CHCHD3: variants seen among roughly 807,000 people sequenced by gnomAD.
The protein encoded by CHCHD3 is coiled-coil-helix-coiled-coil-helix domain containing 3.
In CHCHD3, 20 loss-of-function variants were observed where a neutral mutation model predicts 38.2. The observed-to-expected ratio is 0.52, with a 90% confidence interval of 0.37 to 0.76. CHCHD3 has a LOEUF of 0.76. Among genes scored for constraint, CHCHD3 ranks in the 30% least tolerant of loss-of-function variants. CHCHD3 has a pLI of 0.00. For synonymous variants in CHCHD3, 82 were observed against 100.0 expected, an observed-to-expected ratio of 0.82 and a Z score of 1.07; for missense variants, 245 against 279.2, an observed-to-expected ratio of 0.88 and a Z score of 0.87.
intron 3 of CHCHD3, among the ~76,000 whole-genome samples, chr7:132,998,876 C>G (rs2117386920): frequency 6.6e-6 from 1 of 152,232 alleles, no homozygotes; most frequent in Non-Finnish European, 1.5e-5. Context: ...GCAAACAATC[C>G]TGTCTTAAAA....
In CHCHD3 at chr7:132,796,431, G is replaced by A; in HGVS notation, c.660+11C>T. ...GCCCAGTGCCCCCAGTGGCCTGGCT[G>A]GCACACCTACCTGTTTGGCATGATT... On this transcript the variant is annotated intron_variant, in intron 7 of 7. Transcript: ENST00000262570. 6.2e-7 allele frequency: 1 copy of A among 1,613,410 alleles called. No individual in the cohort carries two copies. Among genetic ancestry groups the A allele is most frequent in the Admixed American group, 1.7e-5 (1 of 60,010 alleles).
At chr7:132,973,438 A>T (rs766821919) in intron 4 of CHCHD3, 1 of 985,530 alleles carries the variant, frequency 1.0e-6, no homozygotes, top group African/African-American at 1.7e-5. Context: ...ACGTACAACA[A>T]ATTTAATTTT....
chr7:132,956,375 T>C (rs1476188349), intron 4 of CHCHD3, among the ~76,000 whole-genome samples: 3 of 152,218 alleles, frequency 2.0e-5, no homozygotes, highest in East Asian at 1.9e-4. Context: ...TAGCATATAG[T>C]AGGCCCTATA....
At chr7:132,820,833 G>A (rs908019185) in intron 6 of CHCHD3, among the ~76,000 whole-genome samples, 5 of 151,924 alleles carry the variant, frequency 3.3e-5, no homozygotes, top group Admixed American at 1.3e-4. Flanking sequence ...CCAACCTATC[G>A]TTGTCTAGAA....
chr7:132,987,315 G>T (rs1163663905), intron 3 of CHCHD3, among the ~76,000 whole-genome samples: 1 of 152,152 alleles, frequency 6.6e-6, no homozygotes. Context: ...TAAAGAAAAA[G>T]CCATGAAAGT....
At chr7:132,910,033 T>C (rs1350040997) in intron 4 of CHCHD3, among the ~76,000 whole-genome samples, 3 of 152,212 alleles carry the variant, frequency 2.0e-5, no homozygotes, top group Non-Finnish European at 2.9e-5. Context: ...CAAGTGCACT[T>C]ATAAGCAGAC....
At chr7:132,997,076 C>T (rs1341243582) in intron 3 of CHCHD3, among the ~76,000 whole-genome samples, 1 of 152,194 alleles carries the variant, frequency 6.6e-6, no homozygotes, top group Non-Finnish European at 1.5e-5. Context: ...TGACATAGTG[C>T]TCAAATCCCA....
At chr7:132,973,875 T>C (rs1291367144) in intron 4 of CHCHD3, 2 of 1,175,366 alleles carry the variant, frequency 1.7e-6, no homozygotes, top group East Asian at 6.5e-5. Context: ...CTCCATTCCA[T>C]GGTCCCATTT....
At chr7:132,882,154 A>G (rs1382804251) in intron 5 of CHCHD3, among the ~76,000 whole-genome samples, 4 of 152,146 alleles carry the variant, frequency 2.6e-5, no homozygotes, top group African/African-American at 9.7e-5. Context: ...TTACACACTC[A>G]TCTGATCTAC....
chr7:132,930,217 A>C (rs191573728), intron 4 of CHCHD3, among the ~76,000 whole-genome samples: 1,893 of 137,062 alleles, frequency 0.014, 16 homozygotes, highest in Middle Eastern at 0.07. Context: ...CCCAGGCTGG[A>C]GTGCAGTGGT....
intron 2 of CHCHD3, among the ~76,000 whole-genome samples, chr7:133,029,286 T>A (rs139438858): frequency 9.9e-5 from 15 of 152,104 alleles, no homozygotes; most frequent in African/African-American, 3.6e-4. Flanking sequence ...GTGGGGAACA[T>A]TGGGGACACT....
chr7:133,009,742 T>C (rs1432872741), intron 3 of CHCHD3, among the ~76,000 whole-genome samples: 1 of 152,192 alleles, frequency 6.6e-6, no homozygotes, highest in Non-Finnish European at 1.5e-5. Context: ...AGACAAGGCT[T>C]AAAGACTTAC....
At chr7:132,930,463 C>G (rs1810488023) in intron 4 of CHCHD3, among the ~76,000 whole-genome samples, 1 of 152,204 alleles carries the variant, frequency 6.6e-6, no homozygotes, top group African/African-American at 2.4e-5. Flanking sequence ...GCCACTGCAC[C>G]TGGCCCCCAC....
rs1245708960 is a variant in CHCHD3 at position 132,854,510 on chromosome 7, A to T, written c.454-16041T>A. Among the ~76,000 whole-genome samples, 3 of 152,142 alleles carry T rather than the reference A, an allele frequency of 2.0e-5. No homozygotes were observed. In the East Asian group the frequency reaches 5.8e-4, roughly 29 times the overall value. On this transcript the variant is annotated intron_variant, in intron 5 of 7. Transcript: ENST00000262570. ...AACAAAAAAGTAAAAACAAAAATCTACCCTTTTGGCACAGTACAAACCTAT... is the reference window on the plus strand; with the variant it reads ...AACAAAAAAGTAAAAACAAAAATCTTCCCTTTTGGCACAGTACAAACCTAT...
Position 132,854,109 on chromosome 7 carries a change from C to T in CHCHD3, c.454-15640G>A, listed in dbSNP as rs143313144. ...TAAGAGTATAAATTGGTACAATTTA[C>T]GGCAACATGTTTCAAATGCCTTTCG... is the stretch of plus-strand genomic sequence containing the variant. On this transcript the variant is annotated intron_variant, in intron 5 of 7. Transcript: ENST00000262570. Among the ~76,000 whole-genome samples the T allele has an allele frequency of 4.8e-4, 73 of 152,126 alleles. No individual in the cohort carries two copies. The East Asian group carries it at 0.013, about 27-fold the overall frequency.
chr7:132,982,809 C>T (rs1811952920), intron 3 of CHCHD3, among the ~76,000 whole-genome samples: 1 of 152,022 alleles, frequency 6.6e-6, no homozygotes, highest in Non-Finnish European at 1.5e-5. Flanking sequence ...TTCAATAACA[C>T]ACGTTTGGAC....
intron 5 of CHCHD3, among the ~76,000 whole-genome samples, chr7:132,865,662 A>C (rs1252271476): frequency 6.7e-6 from 1 of 149,532 alleles, no homozygotes; most frequent in African/African-American, 2.5e-5. Context: ...AACTTAAGAC[A>C]AAAGAAACTG....
chr7:132,885,644 G>A lies in CHCHD3; in HGVS notation c.453+18C>T, dbSNP rs1403125675. On this transcript the variant is annotated intron_variant, in intron 5 of 7. Transcript: ENST00000262570. ...CAGCAGATGTGGTAATAGAATCAAT[G>A]ATAAAAAATAGTCATACCCTCTCCT... 2.6e-6 allele frequency: 4 copies of A among 1,563,072 alleles called. No individual in the cohort carries two copies. Among genetic ancestry groups the A allele is most frequent in the Non-Finnish European group, 1.7e-6 (2 of 1,150,874 alleles).
At chr7:132,804,232 A>G (rs879902702) in intron 6 of CHCHD3, among the ~76,000 whole-genome samples, 6 of 152,196 alleles carry the variant, frequency 3.9e-5, no homozygotes, top group Non-Finnish European at 8.8e-5. Context: ...TTGGAGAAAT[A>G]CATACTTCAT....
Sources: allele counts gnomAD v4.1 joint callset (sites outside exome capture counted in the v4.1 genomes callset), GRCh38; gene constraint gnomAD v4.1.1; transcripts MANE v1.5; gene names NCBI Gene and HGNC (gene_info 2026-07-23, HGNC 2026-07-21).